MIX23: variants seen among roughly 807,000 people sequenced by gnomAD.
MIX23 encodes protein MIX23.
A neutral mutation model predicts 21.6 loss-of-function variants in MIX23; 13 were observed. That is an observed-to-expected ratio of 0.60 (90% confidence interval 0.39 to 0.96). The LOEUF (loss-of-function observed/expected upper bound fraction) is 0.96. Among genes scored for constraint, MIX23 ranks in the 40% least tolerant of loss-of-function variants. The probability of loss-of-function intolerance (pLI) is 0.00; values close to 1 mark genes in which losing one functional copy is unlikely to be tolerated. For synonymous variants in MIX23, 59 were observed against 58.0 expected, an observed-to-expected ratio of 1.02 and a Z score of -0.08; for missense variants, 144 against 171.2, an observed-to-expected ratio of 0.84 and a Z score of 0.89.
chr3:122,363,082 TGAAGTTATAAAATTTAAA>T, intron 3 of MIX23, 55 bp from the exon 4 acceptor site: 1 of 1,454,684 alleles, frequency 6.9e-7, no homozygotes, highest in Non-Finnish European at 9.5e-7. Context: ...GAAAAAAAAC[TGAAGTTATAAAATTTAAA>T]GAGCTAAAAC....
intron 1 of MIX23, among the ~76,000 whole-genome samples, chr3:122,374,719 T>C (rs1237589520): frequency 4.6e-5 from 7 of 152,134 alleles, no homozygotes; most frequent in East Asian, 1.9e-4. Flanking sequence ...AAGGCTACAG[T>C]AGCGAATAAA....
At chr3:122,367,847 T>C in intron 3 of MIX23, 1 of 326,158 alleles carries the variant, frequency 3.1e-6, no homozygotes, top group Non-Finnish European at 5.8e-6. Flanking sequence ...CAGATGTGAT[T>C]TCCCCAGAAT....
At chr3:122,377,237 C>G (rs1188798521) in intron 1 of MIX23, among the ~76,000 whole-genome samples, 2 of 146,538 alleles carry the variant, frequency 1.4e-5, no homozygotes, top group Non-Finnish European at 3.0e-5. Flanking sequence ...TTAGAAAAAA[C>G]AAAAAACAAA....
In MIX23 at chr3:122,371,765, T is replaced by C. The variant is rs1370496662; in HGVS notation, c.87A>G (p.Arg29=). ...LLKVMRTIDD[R]IVHELNTTVP... ...CCGTAGTGTTTAATTCATGTACTAT[T>C]CTGTCATCAATTGTCCTCATCACCT... The change falls in exon 2 of 5, where the codon AGA becomes AGG. Residue 29 remains arginine (R), a synonymous_variant. Transcript: ENST00000291458. 6.8e-6 allele frequency: 11 copies of C among 1,608,640 alleles called. No homozygotes were observed. The highest frequency in any genetic ancestry group is 9.4e-6 in the Non-Finnish European group (11 of 1,175,316).
chr3:122,373,597 G>A (rs971610524), intron 1 of MIX23, among the ~76,000 whole-genome samples: 10 of 152,212 alleles, frequency 6.6e-5, no homozygotes, highest in South Asian at 4.1e-4. Context: ...AAATAGTTGC[G>A]TTTAAGTATT....
chr3:122,379,909 T>G (rs984390418), intron 1 of MIX23, among the ~76,000 whole-genome samples: 3 of 152,138 alleles, frequency 2.0e-5, no homozygotes, highest in Non-Finnish European at 4.4e-5. Flanking sequence ...TATGCAGGCG[T>G]TTTTCTTGGA....
intron 1 of MIX23, among the ~76,000 whole-genome samples, chr3:122,374,093 G>C (rs1472738621): frequency 7.0e-6 from 1 of 143,820 alleles, no homozygotes; most frequent in Non-Finnish European, 1.5e-5. Flanking sequence ...TACCTCCTAT[G>C]ACTGGCCTAT....
intron 1 of MIX23, among the ~76,000 whole-genome samples, chr3:122,379,464 A>G (rs2075513631): frequency 6.6e-6 from 1 of 152,226 alleles, no homozygotes; most frequent in African/African-American, 2.4e-5. Flanking sequence ...GGTTCTAGGC[A>G]AAAGTTCGGG....
chr3:122,382,942 A>G (rs573181532), intron 1 of MIX23, among the ~76,000 whole-genome samples: 1 of 152,342 alleles, frequency 6.6e-6, no homozygotes, highest in African/African-American at 2.4e-5. Context: ...AGCTTCCCAG[A>G]CAAGGCCGGA....
chr3:122,375,124 ACT>A (rs1328257379), intron 1 of MIX23, among the ~76,000 whole-genome samples: 4 of 152,182 alleles, frequency 2.6e-5, no homozygotes, highest in East Asian at 1.9e-4. Context: ...ACACAGCGAG[ACT>A]CTGTCTAAAA....
chr3:122,378,998 C>T (rs2075509807), intron 1 of MIX23, among the ~76,000 whole-genome samples: 1 of 152,210 alleles, frequency 6.6e-6, no homozygotes, highest in African/African-American at 2.4e-5. Context: ...GAAAGTCCTA[C>T]TGGACAGTGC....
At chr3:122,360,590 A>T (rs2075350765) in intron 4 of MIX23, among the ~76,000 whole-genome samples, 1 of 152,152 alleles carries the variant, frequency 6.6e-6, no homozygotes, top group Admixed American at 6.5e-5. Flanking sequence ...ACTATTTTTA[A>T]AATTTTTAAA....
intron 1 of MIX23, among the ~76,000 whole-genome samples, chr3:122,381,259 CAGG>C (rs1296365378): frequency 1.3e-5 from 2 of 152,110 alleles, no homozygotes; most frequent in Non-Finnish European, 1.5e-5. Context: ...TCGCAAGTGC[CAGG>C]AGACTAGTAG....
intron 3 of MIX23, among the ~76,000 whole-genome samples, chr3:122,363,808 T>C (rs908644280): frequency 1.3e-5 from 2 of 148,668 alleles, no homozygotes; most frequent in Non-Finnish European, 2.9e-5. Context: ...AACAGAAAAG[T>C]AGCCAATTCC....
chr3:122,381,514 G>A (rs1229929937), intron 1 of MIX23, among the ~76,000 whole-genome samples: 2 of 152,076 alleles, frequency 1.3e-5, no homozygotes, highest in Non-Finnish European at 2.9e-5. Flanking sequence ...GATCACCTGA[G>A]GTCTGGAGTT....
chr3:122,382,369 C>G (rs1482424708), intron 1 of MIX23, among the ~76,000 whole-genome samples: 1 of 152,170 alleles, frequency 6.6e-6, no homozygotes, highest in Non-Finnish European at 1.5e-5. Flanking sequence ...GAGGCTGAGG[C>G]AGTATTCAAG....
At chr3:122,381,125 G>C (rs1216446977) in intron 1 of MIX23, among the ~76,000 whole-genome samples, 1 of 152,106 alleles carries the variant, frequency 6.6e-6, no homozygotes, top group Non-Finnish European at 1.5e-5. Context: ...CCTAGTCCCT[G>C]CCTGCCTAAG....
rs1158747986 is a variant in MIX23 at position 122,376,166 on chromosome 3, C to CAAAAAA, written c.52-4372_52-4367dup. 1.2e-3 allele frequency among the ~76,000 whole-genome samples: 77 copies of CAAAAAA among 64,432 alleles called. 2 individuals are homozygous for CAAAAAA. Among genetic ancestry groups the CAAAAAA allele is most frequent in the African/African-American group, 4.4e-3 (68 of 15,436 alleles). 42.3% of individuals were successfully genotyped at this position (64,432 alleles called of 152,430 possible). ...TGGGCAGCAGAGAGAGACTCCGTCTCAAAAAAAAAAAAAAAAAAAAAAAGA... is the reference window on the plus strand; with the variant it reads ...TGGGCAGCAGAGAGAGACTCCGTCTCAAAAAAAAAAAAAAAAAAAAAAAAAAAAAGA... On this transcript the variant is annotated intron_variant, in intron 1 of 4. Coordinates refer to ENST00000291458, the MANE Select transcript of MIX23 (RefSeq NM_001017928.4).
At chr3:122,369,719 C>A (rs1010840604) in intron 2 of MIX23, among the ~76,000 whole-genome samples, 5 of 152,114 alleles carry the variant, frequency 3.3e-5, no homozygotes, top group African/African-American at 1.2e-4. Flanking sequence ...GTGATTCTCA[C>A]AGGGCCTGTT....
Sources: gnomAD v4.1 joint callset for allele counts (sites outside exome capture counted in the v4.1 genomes callset) on GRCh38, gnomAD v4.1.1 for gene constraint, MANE v1.5 for transcripts, NCBI Gene and HGNC (gene_info 2026-07-23, HGNC 2026-07-21) for gene names.